Variants in DBNDD2 observed in about 807,000 individuals in gnomAD.
DBNDD2 encodes the protein dysbindin domain-containing protein 2.
Under a neutral mutation model 14.0 loss-of-function variants are expected in DBNDD2, and 8 were observed. The observed-to-expected ratio is 0.57, with a 90% CI of 0.33 to 1.03. The LOEUF is 1.03. DBNDD2 is among the 50% of genes least tolerant of loss of function. The pLI is 0.03. For missense variants in DBNDD2, 194 were observed against 206.0 expected, an observed-to-expected ratio of 0.94 and a Z score of 0.36; for synonymous variants, 94 against 85.3, an observed-to-expected ratio of 1.10 and a Z score of -0.56.
At chr20:45,406,336 C>T, upstream of DBNDD2, 1 of 1,010,922 alleles carries the variant, frequency 9.9e-7, no homozygotes, top group Non-Finnish European at 1.4e-6. Flanking sequence ...GGGCGCCCGC[C>T]GCGGGTCTGC....
chr20:45,407,127 C>G (rs987425895), upstream of DBNDD2: 1 of 191,566 alleles, frequency 5.2e-6, no homozygotes, highest in African/African-American at 2.4e-5. Context: ...AGCCCCTGGC[C>G]CCCGTCAGCT....
chr20:45,406,789 G>A, upstream of DBNDD2: 3 of 1,250,376 alleles, frequency 2.4e-6, no homozygotes, highest in Non-Finnish European at 3.0e-6. Context: ...GAGGGGACCG[G>A]AGCACGAGGG....
At chr20:45,407,712 G>A (rs1230557061), upstream of DBNDD2, 3 of 995,594 alleles carry the variant, frequency 3.0e-6, no homozygotes, top group Non-Finnish European at 3.6e-6. Flanking sequence ...AGCTGTTGGA[G>A]TTCAAAGGAA....
At chr20:45,408,701 C>T in intron 1 of DBNDD2, 95 bp downstream of exon 1, 3 of 1,578,526 alleles carry the variant, frequency 1.9e-6, no homozygotes, top group Non-Finnish European at 2.6e-6. Context: ...CTCTGGTTTT[C>T]TTGGCCCTCT....
At chr20:45,406,588 C>A, upstream of DBNDD2, 1 of 1,458,336 alleles carries the variant, frequency 6.9e-7, no homozygotes, top group Non-Finnish European at 9.1e-7. Flanking sequence ...CCGCCTCTTC[C>A]TCGTTCCCGG....
At chr20:45,408,709 T>C (rs1989640477) in intron 1 of DBNDD2, 92 bp from the exon 2 acceptor site, 4 of 1,578,550 alleles carry the variant, frequency 2.5e-6, no homozygotes, top group Non-Finnish European at 3.5e-6. Context: ...TTCTTGGCCC[T>C]CTATGCTTCT....
chr20:45,408,686 C>T (rs1989637953), intron 1 of DBNDD2, 80 bp downstream of exon 1: 1 of 1,579,628 alleles, frequency 6.3e-7, no homozygotes, highest in Non-Finnish European at 8.6e-7. Flanking sequence ...GTGGCACTCT[C>T]TCCCCTCTGG....
At chr20:45,408,275 T>G, upstream of DBNDD2, 1 of 1,555,270 alleles carries the variant, frequency 6.4e-7, no homozygotes, top group East Asian at 2.4e-5. Context: ...TGCATGAGAC[T>G]TGGTTTGTGG....
At chr20:45,408,636 G>C in intron 1 of DBNDD2, 30 bp downstream of exon 1, 1 of 1,604,518 alleles carries the variant, frequency 6.2e-7, no homozygotes, top group Non-Finnish European at 8.5e-7. Context: ...AAGAGGGACT[G>C]GGGTAGGGTA....
At chr20:45,407,568 G>T (rs753489306), upstream of DBNDD2, 41 of 986,596 alleles carry the variant, frequency 4.2e-5, no homozygotes, top group Non-Finnish European at 4.6e-5. Flanking sequence ...CTCTGGCAGG[G>T]TCTCAGCTTC....
chr20:45,408,059 C>T (rs985476530), upstream of DBNDD2: 2 of 1,465,366 alleles, frequency 1.4e-6, no homozygotes. Context: ...CTATCCTATC[C>T]TGTCCCTGGC....
chr20:45,408,024 A>G (rs1600787027), upstream of DBNDD2: 10 of 1,432,040 alleles, frequency 7.0e-6, no homozygotes, highest in South Asian at 3.1e-5. Flanking sequence ...GAGGAAGGGA[A>G]CCCTCCACCC....
At chr20:45,408,198 A>G (rs754098907), upstream of DBNDD2, 5 of 1,551,060 alleles carry the variant, frequency 3.2e-6, no homozygotes, top group East Asian at 4.9e-5. Context: ...CCCTGAATAC[A>G]GAGTATCTCT....
chr20:45,407,803 G>A, upstream of DBNDD2: 1 of 1,043,250 alleles, frequency 9.6e-7, no homozygotes, highest in Non-Finnish European at 1.2e-6. Context: ...GCCATTTTCA[G>A]ATGGGGAGAC....
upstream of DBNDD2, chr20:45,406,416 G>A (rs2145406069): frequency 6.7e-7 from 1 of 1,496,256 alleles, no homozygotes; most frequent in South Asian, 1.2e-5. Flanking sequence ...TGGCGAGGGT[G>A]GTGCAGAGGA....
rs746660662 is a variant in DBNDD2 at position 45,408,798 on chromosome 20, C to T, written c.140-3C>T. 6.2e-7 allele frequency: 1 copy of T among 1,613,778 alleles called. No individual in the cohort carries two copies. ...CCTGACTTGCCCACTTCTTGATCCGCAGCCCCCATAGGTAGTATCTCATCC... is the reference window on the plus strand; with the variant it reads ...CCTGACTTGCCCACTTCTTGATCCGTAGCCCCCATAGGTAGTATCTCATCC... On this transcript the variant is annotated splice_polypyrimidine_tract_variant and splice_region_variant and intron_variant, in intron 1 of 2. Transcript: ENST00000372710.
chr20:45,408,971 A>G lies in DBNDD2; in HGVS notation c.277+33A>G, dbSNP rs555136500. On this transcript the variant is annotated intron_variant, in intron 2 of 2. Coordinates refer to ENST00000372710, the MANE Select transcript of DBNDD2 (RefSeq NM_001048225.4). ...CCTCTGCTTTGGGGACTTCAGTGCC[A>G]GTCAGCCAGAGCCGGATGTCAGGCT... The G allele has an allele frequency of 1.1e-5, 18 of 1,614,142 alleles. No individual in the cohort carries two copies. In the East Asian group the frequency reaches 4.0e-4, roughly 36 times the overall value.
In DBNDD2 at chr20:45,410,298, C is replaced by T. The variant is rs867860365; in HGVS notation, c.*158C>T. On this transcript the variant is annotated 3_prime_UTR_variant, in exon 3 of 3. Coordinates refer to ENST00000372710, the MANE Select transcript of DBNDD2 (RefSeq NM_001048225.4). ...ATTGTGTACCTTTCTAAGAATTAACCCTCTCCTGCTTTACTGCTAATTTTT... is the reference window on the plus strand; with the variant it reads ...ATTGTGTACCTTTCTAAGAATTAACTCTCTCCTGCTTTACTGCTAATTTTT... The T allele has an allele frequency of 1.2e-5, 10 of 835,380 alleles. No individual in the cohort carries two copies. Among genetic ancestry groups the T allele is most frequent in the African/African-American group, 1.0e-4 (6 of 58,452 alleles). The allele number at this position is 835,380 out of a possible 1,614,324, so 51.7% of individuals were successfully genotyped here.
intron 2 of DBNDD2, 50 bp downstream of exon 2, chr20:45,408,988 T>C: frequency 6.2e-7 from 1 of 1,614,038 alleles, no homozygotes; most frequent in Non-Finnish European, 8.5e-7. Context: ...CAGAGCCGGA[T>C]GTCAGGCTCT....
Sources: allele counts gnomAD v4.1 joint callset, GRCh38; gene constraint gnomAD v4.1.1; transcripts MANE v1.5; gene names NCBI Gene and HGNC (gene_info 2026-07-23, HGNC 2026-07-21).